Variants in MB observed in about 807,000 individuals in gnomAD.
MB encodes nitrite reductase MB.
Under a neutral mutation model 14.5 loss-of-function variants are expected in MB, and 10 were observed. That is an observed-to-expected ratio of 0.69 (90% CI 0.43 to 1.17). The LOEUF is 1.17. Among genes scored for constraint, MB ranks in the 50% most tolerant of loss-of-function variants. The pLI, the probability that MB is intolerant of heterozygous loss-of-function variation, is 0.00. For missense variants in MB, 169 were observed against 192.7 expected, an observed-to-expected ratio of 0.88 and a Z score of 0.73; for synonymous variants, 89 against 78.6, an observed-to-expected ratio of 1.13 and a Z score of -0.70.
chr22:35,609,593 C>T (rs1922428998), intron 2 of MB, among the ~76,000 whole-genome samples: 1 of 152,130 alleles, frequency 6.6e-6, no homozygotes, highest in African/African-American at 2.4e-5. Flanking sequence ...TCCAGAGTAC[C>T]ATGGATCTGA....
At chr22:35,616,034 CA>C (rs988810246) in intron 1 of MB, among the ~76,000 whole-genome samples, 15 of 152,198 alleles carry the variant, frequency 9.9e-5, no homozygotes, top group African/African-American at 3.6e-4. Context: ...AAGGGAGACC[CA>C]AAGGACGACG....
chr22:35,622,966 C>G (rs1923565265), intron 1 of MB, among the ~76,000 whole-genome samples: 1 of 152,230 alleles, frequency 6.6e-6, no homozygotes, highest in Non-Finnish European at 1.5e-5. Context: ...GTGCAGCCTT[C>G]TCATCTCTCT....
intron 1 of MB, among the ~76,000 whole-genome samples, chr22:35,613,504 A>G (rs1922810662): frequency 6.6e-6 from 1 of 152,070 alleles, no homozygotes; most frequent in African/African-American, 2.4e-5. Context: ...TACTTTATTA[A>G]TATTTTTTTG....
intron 2 of MB, 96 bp from the exon 3 acceptor site, chr22:35,607,539 G>A: frequency 7.8e-7 from 1 of 1,286,632 alleles, no homozygotes; most frequent in Non-Finnish European, 1.1e-6. Flanking sequence ...CTTTATTCCA[G>A]GACCGTGTAT....
chr22:35,619,203 G>C (rs775757985), upstream of MB, among the ~76,000 whole-genome samples: 8 of 152,230 alleles, frequency 5.3e-5, no homozygotes, highest in Non-Finnish European at 1.2e-4. Context: ...AGATAACTAA[G>C]AGGAATGAAA....
chr22:35,617,555 C>A, upstream of MB: 1 of 355,236 alleles, frequency 2.8e-6, no homozygotes, highest in Non-Finnish European at 5.1e-6. Context: ...GGTGGTTGTG[C>A]GTGTGGAAAG....
At chr22:35,617,406 C>T (rs1923159129), upstream of MB, 2 of 611,090 alleles carry the variant, frequency 3.3e-6, no homozygotes, top group South Asian at 1.9e-5. Context: ...TCGCTGTCCC[C>T]CTCCCCTGCC....
chr22:35,623,160 A>G (rs563662935), intron 1 of MB: 8 of 152,334 alleles, frequency 5.3e-5, no homozygotes, highest in Non-Finnish European at 1.0e-4. Context: ...CACTTGAGAG[A>G]ACTGAGGCAC....
rs1455499906 is a variant in MB, at chr22:35,608,478, G to T, written c.319-1035C>A. 6.6e-6 allele frequency among the ~76,000 whole-genome samples: 1 copy of T among 152,194 alleles called. No homozygotes were observed. Among genetic ancestry groups the T allele is most frequent in the African/African-American group, 2.4e-5 (1 of 41,442 alleles). On this transcript the variant is annotated intron_variant, in intron 2 of 2. Coordinates refer to ENST00000397326, the MANE Select transcript of MB (RefSeq NM_005368.3). This position sits in a 1 kb window ranked among gnomAD's most constrained non-coding sequence, Gnocchi z 4.3. ...GTGCAAGTGACATAAAGCAGGGATA[G>T]TCGCGGGTGGGACATGCAAAGGGAG... is the stretch of plus-strand genomic sequence containing the variant.
At chr22:35,610,849 C>G (rs1422694454) in intron 2 of MB, 35 bp downstream of exon 2, 1 of 1,552,556 alleles carries the variant, frequency 6.4e-7, no homozygotes, top group Admixed American at 1.8e-5. Context: ...GAGGCCTTCC[C>G]CGCATCCTCC....
chr22:35,613,718 C>T (rs1031837084), intron 1 of MB, among the ~76,000 whole-genome samples: 32 of 152,100 alleles, frequency 2.1e-4, no homozygotes, highest in African/African-American at 7.2e-4. Context: ...AGGCTGGTCT[C>T]GAACTCCTGG....
At position 35,608,306 on chromosome 22, in the gene MB, A is replaced by G. The variant is rs939701457; in HGVS notation, c.319-863T>C. Among the ~76,000 whole-genome samples the G allele has an allele frequency of 1.3e-5, 2 of 152,184 alleles. No individual in the cohort carries two copies. The highest frequency in any genetic ancestry group is 2.9e-5 in the Non-Finnish European group (2 of 68,024). ...GGAGTGTCGTTTTACAGAGGAGAAA[A>G]TCAAGTGGCCAGACCGAGGTCACGC... On this transcript the variant is annotated intron_variant, in intron 2 of 2. Transcript: ENST00000397326. This position sits in a 1 kb window ranked among gnomAD's most constrained non-coding sequence, Gnocchi z 4.3.
chr22:35,607,327 G>T lies in MB; in HGVS notation c.435C>A (p.Ser145=). Residue 145 remains serine, a synonymous_variant, in exon 3 of 3, where the codon TCC becomes TCA. Transcript: ENST00000397326. ...ALELFRKDMA[S]NYKELGFQG Reference sequence around the variant, plus strand: ...CCTGGAAGCCCAGCTCCTTGTAGTTGGAGGCCATGTCCTTCCGGAACAGCT... The same window carrying T: ...CCTGGAAGCCCAGCTCCTTGTAGTTTGAGGCCATGTCCTTCCGGAACAGCT... 1 of 1,613,836 alleles carries T rather than the reference G, an allele frequency of 6.2e-7. No individual in the cohort carries two copies. The highest frequency in any genetic ancestry group is 8.5e-7 in the Non-Finnish European group (1 of 1,179,730).
intron 2 of MB, 42 bp downstream of exon 2, chr22:35,610,842 G>A: frequency 6.5e-7 from 1 of 1,533,500 alleles, no homozygotes. Flanking sequence ...CCCACCCGAG[G>A]CCTTCCCCGC....
intron 1 of MB, chr22:35,622,403 A>G (rs1466736531): frequency 6.5e-6 from 1 of 152,758 alleles, no homozygotes; most frequent in Non-Finnish European, 1.5e-5. Context: ...AGAACCCCCA[A>G]GCTTGCTCCA....
At chr22:35,619,264 C>T (rs1248489597), upstream of MB, among the ~76,000 whole-genome samples, 1 of 152,242 alleles carries the variant, frequency 6.6e-6, no homozygotes, top group African/African-American at 2.4e-5. Flanking sequence ...CAGGCCCTTC[C>T]TTCCATCTGC....
chr22:35,616,679 C>T lies in MB; in HGVS notation c.95+484G>A, dbSNP rs147296238. On this transcript the variant is annotated intron_variant, in intron 1 of 2. Transcript: ENST00000397326. ...GGCTCCGAGAGGTTGAGTACTTTCC[C>T]AAAGGTCACCCAGTGGCTCAGTGGC... Among the ~76,000 whole-genome samples, 268 of 152,256 alleles carry T rather than the reference C, an allele frequency of 1.8e-3. 2 individuals carry two copies. Among genetic ancestry groups the T allele is most frequent in the African/African-American group, 6.1e-3 (253 of 41,550 alleles).
At chr22:35,615,087 G>C (rs1395726998) in intron 1 of MB, among the ~76,000 whole-genome samples, 1 of 152,210 alleles carries the variant, frequency 6.6e-6, no homozygotes. Context: ...TGTACGTGCA[G>C]TGAAGGCCTC....
At chr22:35,612,047 C>A (rs2145915909) in intron 1 of MB, among the ~76,000 whole-genome samples, 1 of 152,192 alleles carries the variant, frequency 6.6e-6, no homozygotes, top group Admixed American at 6.5e-5. Context: ...AGCGGCAGAG[C>A]CCAGACCTAA....
Sources: gnomAD v4.1 joint callset for allele counts (sites outside exome capture counted in the v4.1 genomes callset) on GRCh38, gnomAD v4.1.1 for gene constraint, Gnocchi (gnomAD v3.1) non-coding constraint, MANE v1.5 for transcripts, NCBI Gene and HGNC (gene_info 2026-07-23, HGNC 2026-07-21) for gene names.